POLK: variants seen among roughly 807,000 people sequenced by gnomAD.
POLK encodes DNA polymerase kappa.
In POLK, 76 loss-of-function variants were observed where a neutral mutation model predicts 94.0. The observed-to-expected ratio is 0.81, with a 90% CI of 0.67 to 0.98. The LOEUF (loss-of-function observed/expected upper bound fraction) is 0.98, where lower values mean the gene tolerates loss of function less well. Among genes scored for constraint, POLK ranks in the 50% least tolerant of loss-of-function variants. The pLI, the probability that POLK is intolerant of heterozygous loss-of-function variation, is 0.00. For synonymous variants in POLK, 349 were observed against 325.4 expected, an observed-to-expected ratio of 1.07 and a Z score of -0.78; for missense variants, 954 against 1,010.1, an observed-to-expected ratio of 0.94 and a Z score of 0.75.
At chr5:75,564,736 G>T (rs542747186) in intron 3 of POLK, among the ~76,000 whole-genome samples, 1 of 152,142 alleles carries the variant, frequency 6.6e-6, no homozygotes, top group East Asian at 1.9e-4. Context: ...GGCTTGTAGG[G>T]TTTCTGCAGA....
intron 3 of POLK, among the ~76,000 whole-genome samples, chr5:75,557,443 T>C (rs1030911720): frequency 6.6e-6 from 1 of 152,142 alleles, no homozygotes; most frequent in East Asian, 1.9e-4. Flanking sequence ...GATAATAGAG[T>C]CTTCCTGTTC....
chr5:75,528,349 A>G (rs1768971563), intron 1 of POLK, among the ~76,000 whole-genome samples: 1 of 152,174 alleles, frequency 6.6e-6, no homozygotes, highest in Admixed American at 6.6e-5. Flanking sequence ...AGAAATAGAC[A>G]TAGAAGAAAG....
At chr5:75,572,897 A>G (rs1271663138) in intron 4 of POLK, among the ~76,000 whole-genome samples, 5 of 152,140 alleles carry the variant, frequency 3.3e-5, no homozygotes, top group Non-Finnish European at 5.9e-5. Context: ...AAATAGGAAC[A>G]CTTTTACACT....
intron 1 of POLK, among the ~76,000 whole-genome samples, chr5:75,526,572 TTG>T (rs1491120755): frequency 9.7e-4 from 144 of 148,954 alleles, no homozygotes; most frequent in Middle Eastern, 3.6e-3. Context: ...GGTTTTTTTT[TTG>T]TTTTTTTTTT....
intron 13 of POLK, chr5:75,597,446 C>A: frequency 2.4e-6 from 1 of 410,838 alleles, no homozygotes; most frequent in Non-Finnish European, 4.3e-6. Flanking sequence ...CAAACAAATT[C>A]CTTCAGAGAA....
In POLK at chr5:75,573,745, CA is replaced by C. The variant is rs1299940319; in HGVS notation, c.419del (p.Asn140IlefsTer26). On this transcript the variant is annotated frameshift_variant, in exon 5 of 15. Coordinates refer to ENST00000241436, the Ensembl canonical transcript of POLK. LOFTEE classifies it high-confidence loss of function. ...TGGTCAATTTTCTTTCAGTCTACTT[CA>C]AATTACCATGCAAGGAGATTTGGTG... 1 of 1,612,708 alleles carries C rather than the reference CA, an allele frequency of 6.2e-7. No individual in the cohort carries two copies. Among genetic ancestry groups the C allele is most frequent in the Non-Finnish European group, 8.5e-7 (1 of 1,178,900 alleles).
chr5:75,573,980 A>G, intron 5 of POLK, 111 bp downstream of exon 5: 1 of 965,008 alleles, frequency 1.0e-6, no homozygotes, highest in Non-Finnish European at 1.6e-6. Flanking sequence ...TTATCCTTTC[A>G]GTTGAGCCTC....
chr5:75,563,246 G>T (rs551239953), intron 3 of POLK, among the ~76,000 whole-genome samples: 27 of 152,208 alleles, frequency 1.8e-4, no homozygotes, highest in Admixed American at 4.6e-4. Context: ...ACAGACGTGA[G>T]CCACTGTATC....
chr5:75,592,429 G>T (rs911721573), intron 11 of POLK, among the ~76,000 whole-genome samples: 2 of 152,088 alleles, frequency 1.3e-5, no homozygotes, highest in Non-Finnish European at 2.9e-5. Context: ...AATTCAGTTG[G>T]GGGGCCAGGC....
At chr5:75,596,228 G>A (rs376654253) in exon 13 of POLK, 87 of 1,559,782 alleles carry the variant, frequency 5.6e-5, no homozygotes, top group Non-Finnish European at 6.5e-5. Context: ...TTAGGTGTTC[G>A]GATATCTAGT....
At position 75,584,668 on chromosome 5, in the gene POLK, T is replaced by C. The variant is rs1435737876; in HGVS notation, c.1060-92T>C. The C allele has an allele frequency of 5.4e-6, 4 of 740,102 alleles. No individual in the cohort carries two copies. In the African/African-American group the frequency reaches 7.4e-5, roughly 14 times the overall value. 45.8% of individuals were successfully genotyped at this position (740,102 alleles called of 1,614,324 possible). A position where few individuals can be genotyped will look rare whatever the true frequency, so the allele number is the denominator to read the frequency against. ...CTTGGGCAACAAGAGCGAGACTCCA[T>C]CTCAAAAAAAAAAAAAGTGTAATGA... On this transcript the variant is annotated intron_variant, in intron 8 of 14. Transcript: ENST00000241436.
At chr5:75,587,873 A>G (rs889611550) in intron 10 of POLK, among the ~76,000 whole-genome samples, 1 of 148,586 alleles carries the variant, frequency 6.7e-6, no homozygotes, top group African/African-American at 2.6e-5. Flanking sequence ...CTGAGATGGC[A>G]CCACTCACTC....
At chr5:75,569,435 G>A (rs763434320) in exon 4 of POLK, 1 of 1,613,774 alleles carries the variant, frequency 6.2e-7, no homozygotes, top group East Asian at 2.2e-5. Flanking sequence ...CTGTAGAAAT[G>A]AGGGACAATC....
the POLK span, among the ~76,000 whole-genome samples, chr5:75,607,932 G>C: frequency 1.3e-5 from 2 of 152,166 alleles, no homozygotes; most frequent in Non-Finnish European, 2.9e-5. Context: ...GGGAGAAATC[G>C]TCTGGTAGAG....
At chr5:75,579,741 G>T (rs1046514905) in intron 6 of POLK, among the ~76,000 whole-genome samples, 1 of 151,920 alleles carries the variant, frequency 6.6e-6, no homozygotes, top group Non-Finnish European at 1.5e-5. Context: ...ATCAGCTAAT[G>T]TAAGTTTGAA....
chr5:75,569,754 G>A (rs1771487824), intron 4 of POLK, among the ~76,000 whole-genome samples: 1 of 152,160 alleles, frequency 6.6e-6, no homozygotes, highest in South Asian at 2.1e-4. Context: ...GCAAGCAAAC[G>A]AAGCTTCGTC....
At chr5:75,569,466 A>T in exon 4 of POLK, 1 of 1,613,328 alleles carries the variant, frequency 6.2e-7, no homozygotes, top group Non-Finnish European at 8.5e-7. Context: ...GGATAAACCC[A>T]TTGCTGTAGG....
intron 5 of POLK, among the ~76,000 whole-genome samples, chr5:75,574,741 C>G (rs796314473): frequency 3.9e-5 from 6 of 152,138 alleles, no homozygotes; most frequent in African/African-American, 1.4e-4. Flanking sequence ...TTTTTTCTGT[C>G]CAAGGCAGTC....
chr5:75,593,738 G>C, intron 11 of POLK, 140 bp from the exon 12 acceptor site: 1 of 482,226 alleles, frequency 2.1e-6, no homozygotes, highest in Non-Finnish European at 3.7e-6. Context: ...AGCTACTCAG[G>C]AGGCTGAGGC....
Sources: gnomAD v4.1 joint callset for allele counts (sites outside exome capture counted in the v4.1 genomes callset) on GRCh38, gnomAD v4.1.1 for gene constraint, MANE v1.5 for transcripts, NCBI Gene and HGNC (gene_info 2026-07-23, HGNC 2026-07-21) for gene names.